Variants in IPO11 observed in about 807,000 individuals in gnomAD.
The protein encoded by IPO11 is importin 11, also known as importin-11.
IPO11 carries 66 observed loss-of-function variants against 143.2 expected under a neutral mutation model. That is an observed-to-expected ratio of 0.46 (90% confidence interval 0.38 to 0.57). The LOEUF (loss-of-function observed/expected upper bound fraction) is 0.57, where lower values mean the gene tolerates loss of function less well. IPO11 is among the 20% of genes least tolerant of loss of function. The pLI is 0.00. For synonymous variants in IPO11, 385 were observed against 377.8 expected (o/e 1.02, Z -0.22); for missense variants, 1,026 against 1,141.0 (o/e 0.90, Z 1.45).
chr5:62,614,880 A>G (rs1746071227), intron 29 of IPO11, among the ~76,000 whole-genome samples: 1 of 152,064 alleles, frequency 6.6e-6, no homozygotes, highest in Non-Finnish European at 1.5e-5. Context: ...TGACTGGTGG[A>G]GGTGGCTCTC....
chr5:62,457,236 C>G (rs1047228921), intron 5 of IPO11, among the ~76,000 whole-genome samples: 12 of 152,082 alleles, frequency 7.9e-5, no homozygotes, highest in African/African-American at 2.4e-4. Flanking sequence ...TGCCTGTAAT[C>G]CCAGCACTTT....
chr5:62,579,791 A>G (rs1337964940), intron 27 of IPO11: 3 of 1,543,642 alleles, frequency 1.9e-6, no homozygotes, highest in Admixed American at 2.0e-5. Flanking sequence ...CTAAATAATA[A>G]TTTCATCAAA....
chr5:62,530,851 A>G (rs1742519001), intron 22 of IPO11, 66 bp downstream of exon 22: 3 of 1,239,604 alleles, frequency 2.4e-6, no homozygotes, highest in Non-Finnish European at 3.5e-6. Context: ...GCATTGAAAC[A>G]TAATTTGGAG....
intron 27 of IPO11, among the ~76,000 whole-genome samples, chr5:62,575,592 A>G (rs990081950): frequency 6.6e-6 from 1 of 152,138 alleles, no homozygotes; most frequent in Non-Finnish European, 1.5e-5. Context: ...CCCCCAGCAG[A>G]ATAGAGTGTT....
intron 19 of IPO11, among the ~76,000 whole-genome samples, chr5:62,511,426 T>A (rs1051230906): frequency 2.0e-5 from 3 of 152,336 alleles, no homozygotes; most frequent in South Asian, 2.1e-4. Context: ...AGAAATAATA[T>A]TATAATCAAA....
Position 62,550,467 on chromosome 5 carries a change from G to T in IPO11, c.2346+5G>T. On this transcript the variant is annotated splice_donor_5th_base_variant and intron_variant, in intron 25 of 29. Coordinates refer to ENST00000325324, the MANE Select transcript of IPO11 (RefSeq NM_016338.5). ...AAGGGTATTATAGAAGGGGAGGTAAGATTTTTCTTTAAGTTCCAAAGGTAG... is the reference window on the plus strand; with the variant it reads ...AAGGGTATTATAGAAGGGGAGGTAATATTTTTCTTTAAGTTCCAAAGGTAG... The T allele has an allele frequency of 6.3e-7, 1 of 1,593,186 alleles. No homozygotes were observed. The highest frequency in any genetic ancestry group is 1.1e-5 in the South Asian group (1 of 89,840).
chr5:62,558,560 T>C (rs1194398582), intron 26 of IPO11, among the ~76,000 whole-genome samples: 1 of 152,200 alleles, frequency 6.6e-6, no homozygotes, highest in Non-Finnish European at 1.5e-5. Context: ...TCAGTTATTT[T>C]CTATTAAAGT....
chr5:62,486,581 CTCT>C (rs1025128107), intron 12 of IPO11, among the ~76,000 whole-genome samples: 1 of 152,120 alleles, frequency 6.6e-6, no homozygotes, highest in African/African-American at 2.4e-5. Context: ...GATGTTTGAG[CTCT>C]TCTTTTTAAG....
chr5:62,462,312 A>C (rs1379464145), intron 5 of IPO11, among the ~76,000 whole-genome samples: 2 of 152,082 alleles, frequency 1.3e-5, no homozygotes, highest in Non-Finnish European at 2.9e-5. Flanking sequence ...CAGTCTTGTC[A>C]CAGTAACAAC....
chr5:62,452,090 C>T (rs1273556430), intron 5 of IPO11, among the ~76,000 whole-genome samples, 157 bp downstream of exon 5: 4 of 151,588 alleles, frequency 2.6e-5, no homozygotes, highest in Non-Finnish European at 4.4e-5. Flanking sequence ...CTAAAAACTA[C>T]AAAAATTAGC....
intron 16 of IPO11, among the ~76,000 whole-genome samples, chr5:62,495,710 A>T (rs1741109589): frequency 6.6e-6 from 1 of 152,038 alleles, no homozygotes; most frequent in Non-Finnish European, 1.5e-5. Context: ...GACTCAAACG[A>T]TTCACCCACC....
At chr5:62,459,926 T>G (rs2112178233) in intron 5 of IPO11, among the ~76,000 whole-genome samples, 1 of 152,330 alleles carries the variant, frequency 6.6e-6, no homozygotes, top group Admixed American at 6.5e-5. Context: ...ACAGGTGTTT[T>G]TAAAATTGAA....
intron 24 of IPO11, among the ~76,000 whole-genome samples, chr5:62,548,896 A>T (rs889509485): frequency 6.6e-6 from 1 of 151,594 alleles, no homozygotes; most frequent in Non-Finnish European, 1.5e-5. Context: ...CCCTCTTAAA[A>T]TTTTTTTTCT....
intron 7 of IPO11, among the ~76,000 whole-genome samples, chr5:62,470,693 G>A (rs1745731482): frequency 6.7e-6 from 1 of 149,870 alleles, no homozygotes; most frequent in Non-Finnish European, 1.5e-5. Flanking sequence ...TTTTCTGTCT[G>A]ATCATTACAT....
chr5:62,517,212 A>T (rs1245440684), intron 20 of IPO11, among the ~76,000 whole-genome samples: 1 of 152,094 alleles, frequency 6.6e-6, no homozygotes, highest in Non-Finnish European at 1.5e-5. Context: ...AAAAGAAAAA[A>T]AAATAAGTGG....
chr5:62,502,584 C>A (rs1045625080), intron 16 of IPO11, among the ~76,000 whole-genome samples: 1 of 152,152 alleles, frequency 6.6e-6, no homozygotes, highest in Non-Finnish European at 1.5e-5. Flanking sequence ...CATCTTAATT[C>A]ATTTCACCTT....
intron 1 of IPO11, among the ~76,000 whole-genome samples, chr5:62,427,137 A>T (rs1464149711): frequency 2.0e-5 from 3 of 151,408 alleles, no homozygotes; most frequent in Non-Finnish European, 4.4e-5. Context: ...ACAGAGTTCC[A>T]CCACATTGAC....
At chr5:62,558,370 G>A (rs766784710) in intron 26 of IPO11, among the ~76,000 whole-genome samples, 5 of 152,106 alleles carry the variant, frequency 3.3e-5, no homozygotes, top group African/African-American at 4.8e-5. Flanking sequence ...CAAGAACTAC[G>A]TAAATATAGG....
chr5:62,494,276 G>GA (rs1012142105), intron 16 of IPO11, 152 bp downstream of exon 16: 1 of 547,572 alleles, frequency 1.8e-6, no homozygotes, highest in Admixed American at 4.3e-5. Context: ...TTTGAGGGTA[G>GA]AAAATCTTTT....
Sources: allele counts gnomAD v4.1 joint callset (sites outside exome capture counted in the v4.1 genomes callset), GRCh38; gene constraint gnomAD v4.1.1; transcripts MANE v1.5; gene names NCBI Gene and HGNC (gene_info 2026-07-23, HGNC 2026-07-21).